Variants in PCDHA1 observed in about 807,000 individuals in gnomAD.
PCDHA1 encodes the protein protocadherin alpha 1.
A neutral mutation model predicts 61.3 loss-of-function variants in PCDHA1; 42 were observed. That is an observed-to-expected ratio of 0.69 (90% confidence interval 0.54 to 0.89). The LOEUF (loss-of-function observed/expected upper bound fraction) is 0.89. Ranked by LOEUF, PCDHA1 falls within the 40% of genes least tolerant of loss-of-function variation. The pLI is 0.00. For synonymous variants in PCDHA1, 610 were observed against 553.8 expected (o/e 1.10, Z -1.43); for missense variants, 1,256 against 1,235.3 (o/e 1.02, Z -0.25).
At chr5:140,859,820 A>T (rs571266771) in intron 1 of PCDHA1, 10 of 152,434 alleles carry the variant, frequency 6.6e-5, no homozygotes, top group African/African-American at 2.2e-4. Context: ...TGCAGAGTTT[A>T]GAAGTGTATT....
intron 1 of PCDHA1, chr5:140,843,599 T>G: frequency 6.3e-7 from 1 of 1,595,978 alleles, no homozygotes; most frequent in South Asian, 1.1e-5. Flanking sequence ...GAGGGTGTGC[T>G]CTGGTGAGGG....
chr5:140,804,519 T>C (rs782289885), intron 1 of PCDHA1: 9 of 152,154 alleles, frequency 5.9e-5, no homozygotes, highest in Non-Finnish European at 1.0e-4. Flanking sequence ...CTATCCCTAC[T>C]AGCAAAACTT....
At chr5:140,886,257 T>C (rs1391638514) in intron 1 of PCDHA1, among the ~76,000 whole-genome samples, 38 of 152,026 alleles carry the variant, frequency 2.5e-4, no homozygotes, top group Admixed American at 2.5e-3. Context: ...AGTATCTCTA[T>C]TTATAGATAA....
chr5:140,885,861 A>G (rs1329895164), intron 1 of PCDHA1, among the ~76,000 whole-genome samples: 1 of 152,104 alleles, frequency 6.6e-6, no homozygotes, highest in African/African-American at 2.4e-5. Context: ...CTACTTTTCT[A>G]TTGAAAAAAA....
At chr5:140,841,667 G>A in intron 1 of PCDHA1, 1 of 1,614,090 alleles carries the variant, frequency 6.2e-7, no homozygotes, top group Non-Finnish European at 8.5e-7. Flanking sequence ...GCCGCTGCAG[G>A]TTTTCCATGT....
chr5:140,969,366 A>C (rs1554231734), intron 1 of PCDHA1: 1 of 1,609,828 alleles, frequency 6.2e-7, no homozygotes. Context: ...CTACAAACTC[A>C]TGCATTTGTT....
intron 1 of PCDHA1, among the ~76,000 whole-genome samples, chr5:140,878,864 A>G (rs1465235970): frequency 1.3e-5 from 2 of 152,152 alleles, no homozygotes; most frequent in Non-Finnish European, 2.9e-5. Flanking sequence ...CTGATCCTCC[A>G]TTTCAGCCTT....
intron 1 of PCDHA1, among the ~76,000 whole-genome samples, chr5:140,800,771 T>C (rs1762599248): frequency 6.6e-6 from 1 of 152,372 alleles, no homozygotes; most frequent in Non-Finnish European, 1.5e-5. Context: ...ATATTTCCAA[T>C]AGATGTCCAC....
At chr5:140,802,310 G>A in intron 1 of PCDHA1, 3 of 1,614,222 alleles carry the variant, frequency 1.9e-6, no homozygotes, top group Non-Finnish European at 1.7e-6. Flanking sequence ...TCATCGCTCT[G>A]ATCAGCGTGT....
chr5:140,883,356 C>T (rs147755059), intron 1 of PCDHA1: 31 of 1,614,190 alleles, frequency 1.9e-5, no homozygotes, highest in Non-Finnish European at 2.3e-5. Flanking sequence ...AGAGAAGACA[C>T]TCAGCCTAGC....
At chr5:140,928,489 C>A in intron 1 of PCDHA1, 1 of 1,614,152 alleles carries the variant, frequency 6.2e-7, no homozygotes. Context: ...TGGTGGCATT[C>A]CTCCCAGAAG....
chr5:140,855,239 A>T (rs1315147782), intron 1 of PCDHA1, among the ~76,000 whole-genome samples: 1 of 149,864 alleles, frequency 6.7e-6, no homozygotes, highest in Non-Finnish European at 1.5e-5. Flanking sequence ...TTAAGGTACT[A>T]TTGCAAGCAC....
At chr5:140,802,619 C>T (rs1554122248) in intron 1 of PCDHA1, 2 of 1,614,010 alleles carry the variant, frequency 1.2e-6, no homozygotes, top group Non-Finnish European at 8.5e-7. Context: ...GCTGCCACAT[C>T]TTCACGGTGT....
At chr5:140,925,526 CGAG>C (rs2082539432) in intron 1 of PCDHA1, among the ~76,000 whole-genome samples, 1 of 151,910 alleles carries the variant, frequency 6.6e-6, no homozygotes, top group South Asian at 2.1e-4. Flanking sequence ...AAATTAAAAG[CGAG>C]GAGAAATACC....
intron 1 of PCDHA1, among the ~76,000 whole-genome samples, chr5:140,945,121 C>T (rs1412218992): frequency 6.6e-6 from 1 of 152,042 alleles, no homozygotes; most frequent in East Asian, 1.9e-4. Context: ...GATAAAAAAT[C>T]AACTTACAAA....
At chr5:140,994,065 T>A (rs1563596985) in intron 3 of PCDHA1, among the ~76,000 whole-genome samples, 1 of 152,092 alleles carries the variant, frequency 6.6e-6, no homozygotes, top group Non-Finnish European at 1.5e-5. Context: ...ATAAATCTAA[T>A]GGTGAAGGGA....
At chr5:140,945,437 A>T (rs2093790061) in intron 1 of PCDHA1, among the ~76,000 whole-genome samples, 1 of 152,192 alleles carries the variant, frequency 6.6e-6, no homozygotes, top group South Asian at 2.1e-4. Context: ...TTTTACAGAA[A>T]TATAAAAAAC....
intron 1 of PCDHA1, among the ~76,000 whole-genome samples, chr5:140,965,126 A>C (rs540121719): frequency 7.9e-5 from 12 of 152,372 alleles, no homozygotes; most frequent in African/African-American, 2.6e-4. Flanking sequence ...GAAGATCTAC[A>C]GATGACAGAA....
intron 1 of PCDHA1, among the ~76,000 whole-genome samples, chr5:140,960,218 A>G (rs2095532618): frequency 6.6e-6 from 1 of 152,206 alleles, no homozygotes; most frequent in Non-Finnish European, 1.5e-5. Flanking sequence ...CAGGATCTCA[A>G]GAAACAGAGC....
Sources: allele counts gnomAD v4.1 joint callset (sites outside exome capture counted in the v4.1 genomes callset), GRCh38; gene constraint gnomAD v4.1.1; transcripts MANE v1.5; gene names NCBI Gene and HGNC (gene_info 2026-07-23, HGNC 2026-07-21).